The following CTDSPL2 variants were observed in gnomAD, a reference collection of about 807,000 sequenced individuals.
CTDSPL2 encodes the protein CTD small phosphatase like 2, also known as CTD small phosphatase-like protein 2.
CTDSPL2 carries 5 observed loss-of-function variants against 60.0 expected under a neutral mutation model. The observed-to-expected ratio is 0.08, with a 90% confidence interval of 0.04 to 0.18. CTDSPL2 has a LOEUF of 0.18. CTDSPL2 is among the 10% of genes least tolerant of loss of function. CTDSPL2 has a pLI of 1.00. For missense variants in CTDSPL2, 370 were observed against 548.8 expected, an observed-to-expected ratio of 0.67 and a Z score of 3.26; for synonymous variants, 186 against 189.3, an observed-to-expected ratio of 0.98 and a Z score of 0.14.
At chr15:44,509,284 C>T (rs1015726732) in intron 8 of CTDSPL2, among the ~76,000 whole-genome samples, 1 of 152,178 alleles carries the variant, frequency 6.6e-6, no homozygotes, top group East Asian at 1.9e-4. Flanking sequence ...TCAGTGCAAC[C>T]TCCACCTTCG....
rs915011329 is a variant in CTDSPL2 at position 44,526,030 on chromosome 15, TAAAG to T, written c.*1861_*1864del. On this transcript the variant is annotated 3_prime_UTR_variant, in exon 13 of 13. Coordinates refer to ENST00000260327, the MANE Select transcript of CTDSPL2 (RefSeq NM_016396.3). The stretch of plus-strand genomic sequence containing the variant: ...GAATACTGATTTTTTTAATTTTATT[TAAAG>T]AAAGGTATTTTGCTTGCAGGAAAAA... 2.6e-5 allele frequency: 4 copies of T among 152,572 alleles called. No homozygotes were observed. The highest frequency in any genetic ancestry group is 4.4e-5 in the Non-Finnish European group (3 of 67,992). 9.5% of individuals were successfully genotyped at this position (152,572 alleles called of 1,614,324 possible).
Position 44,435,892 on chromosome 15 carries a change from C to T in CTDSPL2, c.-25+8120C>T, listed in dbSNP as rs150913926. On this transcript the variant is annotated intron_variant, in intron 1 of 12. Coordinates refer to ENST00000260327, the MANE Select transcript of CTDSPL2 (RefSeq NM_016396.3). ...AAAGTGCTGGGATTACAGGTGTGAG[C>T]CATCGCACCTGGCCAAGTTGATATT... 3.7e-3 allele frequency among the ~76,000 whole-genome samples: 566 copies of T among 152,236 alleles called. 2 individuals are homozygous for T. The highest frequency in any genetic ancestry group is 5.4e-3 in the Non-Finnish European group (370 of 68,020).
chr15:44,428,220 C>T (rs973617375), intron 1 of CTDSPL2: 1 of 152,170 alleles, frequency 6.6e-6, no homozygotes, highest in Non-Finnish European at 1.5e-5. Flanking sequence ...TTATAAACAC[C>T]TTTTCAGAAT....
At chr15:44,482,702 T>A (rs912151770) in intron 2 of CTDSPL2, among the ~76,000 whole-genome samples, 2 of 152,234 alleles carry the variant, frequency 1.3e-5, no homozygotes, top group Non-Finnish European at 2.9e-5. Context: ...TATGCTATTG[T>A]AATTTTCACC....
rs143156550 is a variant in CTDSPL2 at position 44,445,134 on chromosome 15, C to A, written c.-24-13857C>A. Among the ~76,000 whole-genome samples the A allele has an allele frequency of 8.0e-3, 1,198 of 150,584 alleles. 13 individuals are homozygous for A. Among genetic ancestry groups the A allele is most frequent in the African/African-American group, 0.028 (1,141 of 41,078 alleles). The stretch of plus-strand genomic sequence containing the variant: ...GCTGGGATTACAGGTGTGAGCCACC[C>A]CGCCCGGCTGTAGTTTTTCATATTA... On this transcript the variant is annotated intron_variant, in intron 1 of 12. Coordinates refer to ENST00000260327, the MANE Select transcript of CTDSPL2 (RefSeq NM_016396.3).
intron 1 of CTDSPL2, among the ~76,000 whole-genome samples, chr15:44,454,530 G>C (rs2080394797): frequency 6.6e-6 from 1 of 152,156 alleles, no homozygotes; most frequent in Non-Finnish European, 1.5e-5. Flanking sequence ...GTATTGCCTA[G>C]GTTTTCTTCT....
chr15:44,457,235 T>G (rs969363458), intron 1 of CTDSPL2, among the ~76,000 whole-genome samples: 1 of 152,232 alleles, frequency 6.6e-6, no homozygotes, highest in South Asian at 2.1e-4. Context: ...GGCATCTGTT[T>G]CCAGCAGAAA....
chr15:44,513,295 G>C (rs1047665627), intron 8 of CTDSPL2, among the ~76,000 whole-genome samples: 1 of 151,606 alleles, frequency 6.6e-6, no homozygotes, highest in East Asian at 1.9e-4. Flanking sequence ...GCGAAACCCC[G>C]TCTCTACTAA....
intron 2 of CTDSPL2, among the ~76,000 whole-genome samples, chr15:44,469,525 A>T (rs1378520399): frequency 6.6e-6 from 1 of 150,832 alleles, no homozygotes; most frequent in African/African-American, 2.4e-5. Flanking sequence ...TTATTACTTC[A>T]TTTTTCTTGT....
intron 8 of CTDSPL2, among the ~76,000 whole-genome samples, chr15:44,507,619 T>A (rs753277003): frequency 6.6e-6 from 1 of 152,202 alleles, no homozygotes; most frequent in Non-Finnish European, 1.5e-5. Flanking sequence ...GGAGAAGGTT[T>A]GGGTTTTATC....
chr15:44,496,963 C>G, intron 6 of CTDSPL2, 64 bp from the exon 7 acceptor site: 2 of 857,366 alleles, frequency 2.3e-6, no homozygotes, highest in South Asian at 3.4e-5. Flanking sequence ...ATGGGCTGAG[C>G]TTAGTAATGT....
chr15:44,517,459 G>A (rs1333079661), intron 10 of CTDSPL2: 2 of 150,690 alleles, frequency 1.3e-5, no homozygotes, highest in Non-Finnish European at 2.9e-5. Flanking sequence ...CAGCCTGGGC[G>A]ACAGTGGGAG....
At chr15:44,475,553 C>T (rs1381327280) in intron 2 of CTDSPL2, among the ~76,000 whole-genome samples, 1 of 151,368 alleles carries the variant, frequency 6.6e-6, no homozygotes, top group Admixed American at 6.6e-5. Flanking sequence ...GCAGGAGAAT[C>T]GCTTGAACGT....
intron 5 of CTDSPL2, among the ~76,000 whole-genome samples, chr15:44,491,747 G>A (rs1156531503): frequency 6.6e-6 from 1 of 152,148 alleles, no homozygotes; most frequent in Non-Finnish European, 1.5e-5. Context: ...ATATATATTA[G>A]TTAAGAAACA....
chr15:44,429,311 C>G (rs1048699800), intron 1 of CTDSPL2, among the ~76,000 whole-genome samples: 1 of 152,192 alleles, frequency 6.6e-6, no homozygotes, highest in African/African-American at 2.4e-5. Flanking sequence ...GGCACGTTAA[C>G]TACTTGCCGA....
intron 1 of CTDSPL2, among the ~76,000 whole-genome samples, chr15:44,440,402 C>G (rs976138351): frequency 3.3e-5 from 5 of 151,892 alleles, no homozygotes; most frequent in Non-Finnish European, 5.9e-5. Context: ...CACTCTGTTG[C>G]CCAGGCTGGT....
At chr15:44,493,927 T>A (rs553805963) in intron 5 of CTDSPL2, among the ~76,000 whole-genome samples, 2 of 152,342 alleles carry the variant, frequency 1.3e-5, no homozygotes, top group Non-Finnish European at 2.9e-5. Flanking sequence ...AAAAAAATTC[T>A]GCTTTACATC....
chr15:44,427,916 C>A lies in CTDSPL2; in HGVS notation c.-25+144C>A, dbSNP rs1595679921. 1.1e-5 allele frequency: 4 copies of A among 374,446 alleles called. No individual in the cohort carries two copies. In the East Asian group the frequency reaches 1.5e-4, roughly 14 times the overall value. 23.2% of individuals were successfully genotyped at this position (374,446 alleles called of 1,614,324 possible). A position where few individuals can be genotyped will look rare whatever the true frequency, so the allele number is the denominator to read the frequency against. On this transcript the variant is annotated intron_variant, in intron 1 of 12. Transcript: ENST00000260327. ...TTGGTAGGCATGCACTCTTTGGCGC[C>A]TCGTACGTCCACTGTGCGGAGCCGC...
intron 2 of CTDSPL2, among the ~76,000 whole-genome samples, chr15:44,472,028 A>G (rs1053083705): frequency 2.0e-5 from 3 of 151,958 alleles, no homozygotes; most frequent in Non-Finnish European, 4.4e-5. Context: ...ATATTATATC[A>G]CTATTTCCTT....
Sources: gnomAD v4.1 joint callset for allele counts (sites outside exome capture counted in the v4.1 genomes callset) on GRCh38, gnomAD v4.1.1 for gene constraint, MANE v1.5 for transcripts, NCBI Gene and HGNC (gene_info 2026-07-23, HGNC 2026-07-21) for gene names.